The following WNK1 variants were observed in gnomAD, a reference collection of about 807,000 sequenced individuals.
WNK1 encodes the protein WNK lysine deficient protein kinase 1, also known as serine/threonine-protein kinase WNK1.
Under a neutral mutation model 222.8 loss-of-function variants are expected in WNK1, and 38 were observed. That is an observed-to-expected ratio of 0.17 (90% CI 0.13 to 0.22). The LOEUF is 0.22. WNK1 is among the 10% of genes least tolerant of loss of function. The probability of loss-of-function intolerance (pLI) is 1.00; values close to 1 mark genes in which losing one functional copy is unlikely to be tolerated. For synonymous variants in WNK1, 1,090 were observed against 1,092.9 expected (o/e 1.00, Z 0.05); for missense variants, 2,348 against 2,918.4 (o/e 0.80, Z 4.50).
chr12:900,662 C>T lies in WNK1; in HGVS notation c.6635C>T (p.Pro2212Leu). 1.2e-6 allele frequency: 2 copies of T among 1,614,196 alleles called. No homozygotes were observed. Among genetic ancestry groups the T allele is most frequent in the Non-Finnish European group, 1.7e-6 (2 of 1,180,024 alleles). The change falls in exon 26 of 28, where the codon CCA (proline) becomes CTA (leucine). Residue 2212 changes from proline (P) to leucine (L), a missense_variant. Around this residue, in one of 13 missense-constraint regions of WNK1, gnomAD observed 1,144 missense variants for 1,273.6 expected, o/e 0.90. Transcript: ENST00000315939. ...GAISVPSLSA[P>L]GQGTSSTNTV... Reference sequence around the variant, plus strand: ...ATTTCAGTACCAAGCCTTTCTGCTCCAGGTCAAGGTAATAAAGCAACCATC... The same window carrying T: ...ATTTCAGTACCAAGCCTTTCTGCTCTAGGTCAAGGTAATAAAGCAACCATC...
At chr12:849,609 C>T (rs1950269727) in intron 4 of WNK1, among the ~76,000 whole-genome samples, 2 of 151,954 alleles carry the variant, frequency 1.3e-5, no homozygotes, top group Non-Finnish European at 2.9e-5. Context: ...GGTACATGTG[C>T]ACAACATGCA....
At chr12:887,346 C>A (rs1350771852) in intron 20 of WNK1, 42 bp downstream of exon 20, 1 of 1,601,886 alleles carries the variant, frequency 6.2e-7, no homozygotes. Context: ...GCCCTACTTT[C>A]TTTGACAAAG....
At chr12:843,337 C>T (rs927517962) in intron 4 of WNK1, among the ~76,000 whole-genome samples, 1 of 152,114 alleles carries the variant, frequency 6.6e-6, no homozygotes, top group African/African-American at 2.4e-5. Flanking sequence ...GTTCTATCTA[C>T]TTTACCGTAT....
intron 2 of WNK1, among the ~76,000 whole-genome samples, chr12:817,710 G>A (rs1249999662): frequency 3.9e-5 from 6 of 152,096 alleles, no homozygotes; most frequent in Admixed American, 6.6e-5. Flanking sequence ...AGGCTGAGGC[G>A]GATGGATCAC....
At chr12:803,096 T>C (rs1467473354) in intron 1 of WNK1, among the ~76,000 whole-genome samples, 2 of 152,244 alleles carry the variant, frequency 1.3e-5, no homozygotes, top group Admixed American at 6.5e-5. Flanking sequence ...GATAAGCAGC[T>C]TCTAAAAGTA....
At chr12:767,905 G>T (rs779020529) in intron 1 of WNK1, among the ~76,000 whole-genome samples, 2 of 152,022 alleles carry the variant, frequency 1.3e-5, no homozygotes, top group Admixed American at 6.6e-5. Context: ...TTGAATTCAG[G>T]TCTGTTTGCT....
intron 26 of WNK1, chr12:901,464 T>G: frequency 4.0e-6 from 3 of 749,744 alleles, no homozygotes; most frequent in Non-Finnish European, 5.6e-6. Context: ...GCCATCTTAG[T>G]GCATTTCACC....
chr12:898,727 C>T (rs1272625246), intron 25 of WNK1, among the ~76,000 whole-genome samples: 1 of 151,014 alleles, frequency 6.6e-6, no homozygotes, highest in Non-Finnish European at 1.5e-5. Context: ...GCACACACTA[C>T]CATGCCCTGC....
At chr12:823,905 T>C (rs1174287049) in intron 2 of WNK1, among the ~76,000 whole-genome samples, 1 of 146,168 alleles carries the variant, frequency 6.8e-6, no homozygotes, top group Admixed American at 6.8e-5. Flanking sequence ...GACATCTTTT[T>C]TTTTTTTTTT....
At chr12:901,744 G>A (rs1184232875) in intron 26 of WNK1, 3 of 667,588 alleles carry the variant, frequency 4.5e-6, no homozygotes, top group Non-Finnish European at 6.7e-6. Context: ...GTCTCTTTTT[G>A]TATATCATCT....
intron 1 of WNK1, among the ~76,000 whole-genome samples, chr12:767,234 G>GT (rs71051382): frequency 0.022 from 1,542 of 70,810 alleles, 128 homozygotes; most frequent in Non-Finnish European, 0.024. Context: ...GGGTTGATAG[G>GT]TTTTTTTTTT....
Position 868,312 on chromosome 12 carries a change from A to G in WNK1, c.2140-2953A>G. 1.2e-6 allele frequency: 2 copies of G among 1,612,146 alleles called. No homozygotes were observed. The highest frequency in any genetic ancestry group is 1.3e-5 in the African/African-American group (1 of 75,046). ...GGGTACATTACCAGGCCCGGGTGGC[A>G]GAACAGTATGAGGGCATTCCATACA... On this transcript the variant is annotated intron_variant, in intron 8 of 27. Coordinates refer to ENST00000315939, the MANE Select transcript of WNK1 (RefSeq NM_018979.4).
chr12:833,173 A>T (rs1046211477), intron 4 of WNK1, among the ~76,000 whole-genome samples: 5 of 152,070 alleles, frequency 3.3e-5, no homozygotes, highest in African/African-American at 1.2e-4. Context: ...GCTTCAGAAT[A>T]CCTCTTAGAT....
chr12:757,761 G>T (rs780473490), intron 1 of WNK1, among the ~76,000 whole-genome samples: 1 of 147,088 alleles, frequency 6.8e-6, no homozygotes. Context: ...GATGGAGCCG[G>T]GTGCGGTGGC....
At chr12:822,087 CTTTTTTTTTTTTT>C (rs376271992) in intron 2 of WNK1, among the ~76,000 whole-genome samples, 2 of 71,430 alleles carry the variant, frequency 2.8e-5, no homozygotes, top group African/African-American at 5.4e-5. Context: ...TGTCTTATAC[CTTTTTTTTTTTTT>C]TTTTTTTTTT....
chr12:781,625 C>T (rs554780021), intron 1 of WNK1, among the ~76,000 whole-genome samples: 2 of 152,150 alleles, frequency 1.3e-5, no homozygotes, highest in African/African-American at 4.8e-5. Flanking sequence ...TTTATTTGGT[C>T]TCTTATTAAT....
chr12:908,660 G>A lies in WNK1; in HGVS notation c.7017G>A (p.Gly2339=). Residue 2339 remains glycine (G), a synonymous_variant, in exon 28 of 28, where the codon GGG becomes GGA. Transcript: ENST00000315939. ...PATPFGAQWS[G]TGGPAPQPLG... ...CCCCATTTGGCGCTCAATGGAGTGGGACGGGTGGCCCAGCACCACAGCCAC... is the reference window on the plus strand; with the variant it reads ...CCCCATTTGGCGCTCAATGGAGTGGAACGGGTGGCCCAGCACCACAGCCAC... 1 of 1,614,216 alleles carries A rather than the reference G, an allele frequency of 6.2e-7. No homozygotes were observed.
intron 4 of WNK1, among the ~76,000 whole-genome samples, chr12:833,354 G>A (rs945272529): frequency 1.3e-5 from 2 of 152,164 alleles, no homozygotes; most frequent in Admixed American, 6.5e-5. Flanking sequence ...TAAGATACCA[G>A]TTTGCTGATA....
intron 26 of WNK1, 199 bp downstream of exon 26, chr12:900,869 A>G (rs1955198439): frequency 1.5e-6 from 1 of 686,856 alleles, no homozygotes. Context: ...AGGTGAAATT[A>G]CTTTTTTTCA....
Sources: allele counts gnomAD v4.1 joint callset (sites outside exome capture counted in the v4.1 genomes callset), GRCh38; gene constraint gnomAD v4.1.1; regional missense constraint gnomAD v4.1.1; transcripts MANE v1.5; gene names NCBI Gene and HGNC (gene_info 2026-07-23, HGNC 2026-07-21).